The following RTN1 variants were observed in gnomAD, a reference collection of about 807,000 sequenced individuals.
RTN1 encodes the protein reticulon 1.
A neutral mutation model predicts 65.5 loss-of-function variants in RTN1; 25 were observed. The ratio of observed to expected loss-of-function variants is 0.38; its 90% CI spans 0.28 to 0.53. The LOEUF (loss-of-function observed/expected upper bound fraction) is 0.53, where lower values mean the gene tolerates loss of function less well. Ranked by LOEUF, RTN1 falls within the 20% of genes least tolerant of loss-of-function variation. RTN1 has a pLI of 0.79. For missense variants in RTN1, 983 were observed against 1,025.4 expected, an observed-to-expected ratio of 0.96 and a Z score of 0.57; for synonymous variants, 471 against 447.6, an observed-to-expected ratio of 1.05 and a Z score of -0.66.
rs180778294 is a variant in RTN1, at chr14:59,718,222, C to T, written c.1765+8697G>A. Among the ~76,000 whole-genome samples, 61 of 152,290 alleles carry T rather than the reference C, an allele frequency of 4.0e-4. 1 individual carries two copies. Among genetic ancestry groups the T allele is most frequent in the South Asian group, 8.3e-4 (4 of 4,820 alleles). ...AAATCCAGGAGTGCCATTACAGAGACGGGGCGGACTCAGGAATCTCTGAGT... is the reference window on the plus strand; with the variant it reads ...AAATCCAGGAGTGCCATTACAGAGATGGGGCGGACTCAGGAATCTCTGAGT... On this transcript the variant is annotated intron_variant, in intron 3 of 8. Coordinates refer to ENST00000267484, the MANE Select transcript of RTN1 (RefSeq NM_021136.3).
chr14:59,835,492 A>G (rs1210801212), intron 1 of RTN1, among the ~76,000 whole-genome samples: 1 of 152,210 alleles, frequency 6.6e-6, no homozygotes, highest in Non-Finnish European at 1.5e-5. Flanking sequence ...TTTAAAAGAC[A>G]ATAATAATTT....
intron 1 of RTN1, among the ~76,000 whole-genome samples, chr14:59,755,007 G>C (rs1339130314): frequency 1.3e-5 from 2 of 152,166 alleles, no homozygotes; most frequent in East Asian, 3.9e-4. Context: ...ACTACAGGCA[G>C]AAAAGGAATG....
chr14:59,645,401 CATGTTTTCTAT>C lies in RTN1; in HGVS notation c.1766-37920_1766-37910del, dbSNP rs1336048914. Among the ~76,000 whole-genome samples the C allele has an allele frequency of 3.6e-3, 541 of 151,906 alleles. 3 individuals carry two copies. The highest frequency in any genetic ancestry group is 5.5e-3 in the Non-Finnish European group (373 of 67,980). ...TTTGTTACATGTTTTCTATATATTA[CATGTTTTCTAT>C]ATGTTACATGTTTTCTACATGTTAC... On this transcript the variant is annotated intron_variant, in intron 3 of 8. Coordinates refer to ENST00000267484, the MANE Select transcript of RTN1 (RefSeq NM_021136.3).
At position 59,727,608 on chromosome 14, in the gene RTN1, G is replaced by T; in HGVS notation, c.1076C>A (p.Ala359Asp). 6.2e-7 allele frequency: 1 copy of T among 1,612,646 alleles called. No individual in the cohort carries two copies. The highest frequency in any genetic ancestry group is 8.5e-7 in the Non-Finnish European group (1 of 1,179,682). Residue 359 changes from alanine to aspartate, a missense_variant, in exon 3 of 9, where the codon GCC becomes GAC. Ala to Asp is a moderately radical substitution (Grantham distance 126, BLOSUM62 -2). This residue lies in a region of RTN1 where 818 missense variants were observed against 801.8 expected (regional missense o/e 1.02). Transcript: ENST00000267484. The surrounding 1 kb of genome is among the most constrained non-coding windows in gnomAD (Gnocchi z 4.2). ...GSISEDELITAIKEAKGLSYE... is the reference protein window; with the variant it reads ...GSISEDELITDIKEAKGLSYE... Reference sequence around the variant, plus strand: ...CGATAATCCCTTTGCTTCTTTGATGGCGGTGATCAGCTCATCCTCGGAGAT... The same window carrying T: ...CGATAATCCCTTTGCTTCTTTGATGTCGGTGATCAGCTCATCCTCGGAGAT...
intron 3 of RTN1, among the ~76,000 whole-genome samples, chr14:59,722,207 A>G (rs1884662360): frequency 6.6e-6 from 1 of 152,198 alleles, no homozygotes; most frequent in Non-Finnish European, 1.5e-5. Context: ...AAGGGAACAG[A>G]GGAAGGAAAA....
At chr14:59,649,665 G>A (rs1217533831) in intron 3 of RTN1, among the ~76,000 whole-genome samples, 1 of 152,142 alleles carries the variant, frequency 6.6e-6, no homozygotes, top group Non-Finnish European at 1.5e-5. Flanking sequence ...ATCATCACTG[G>A]TCATTATAGA....
At chr14:59,714,108 G>A (rs943493859) in intron 3 of RTN1, among the ~76,000 whole-genome samples, 48 of 152,086 alleles carry the variant, frequency 3.2e-4, no homozygotes, top group East Asian at 1.4e-3. Context: ...GGTGGCAGGC[G>A]CCTGTAATCC....
intron 3 of RTN1, among the ~76,000 whole-genome samples, chr14:59,726,520 C>T (rs1436854057): frequency 6.6e-6 from 1 of 152,158 alleles, no homozygotes; most frequent in Admixed American, 6.5e-5. Flanking sequence ...TGGGTTCCAG[C>T]ACCTACAGAG....
At chr14:59,731,768 C>T (rs1006928873) in intron 2 of RTN1, among the ~76,000 whole-genome samples, 4 of 152,164 alleles carry the variant, frequency 2.6e-5, no homozygotes, top group African/African-American at 4.8e-5. Flanking sequence ...GTGTCTGCAA[C>T]CCTACTTTCT....
At chr14:59,673,960 T>G (rs1005815388) in intron 3 of RTN1, among the ~76,000 whole-genome samples, 9 of 152,186 alleles carry the variant, frequency 5.9e-5, no homozygotes, top group African/African-American at 2.2e-4. Context: ...ATATCCCTAG[T>G]TTTACTTGTA....
chr14:59,731,374 G>C (rs1359168402), intron 2 of RTN1, among the ~76,000 whole-genome samples: 1 of 152,008 alleles, frequency 6.6e-6, no homozygotes, highest in Non-Finnish European at 1.5e-5. Flanking sequence ...GGGGGTGCAG[G>C]GTTTCTTTTT....
rs114420937 is a variant in RTN1 at position 59,782,361 on chromosome 14, G to C, written c.242-35880C>G. 2.0e-3 allele frequency among the ~76,000 whole-genome samples: 312 copies of C among 152,320 alleles called. 1 individual carries two copies. Among genetic ancestry groups the C allele is most frequent in the African/African-American group, 7.0e-3 (293 of 41,582 alleles). On this transcript the variant is annotated intron_variant, in intron 1 of 8. Coordinates refer to ENST00000267484, the MANE Select transcript of RTN1 (RefSeq NM_021136.3). Reference sequence around the variant, plus strand: ...CAACACTATCTAACAAAATCTGTTGGAGAAGGAGAAAATAGATTCACTTTT... The same window carrying C: ...CAACACTATCTAACAAAATCTGTTGCAGAAGGAGAAAATAGATTCACTTTT...
At chr14:59,621,200 A>G (rs1235109963) in intron 3 of RTN1, among the ~76,000 whole-genome samples, 1 of 152,266 alleles carries the variant, frequency 6.6e-6, no homozygotes, top group Non-Finnish European at 1.5e-5. Flanking sequence ...GAAAAATATA[A>G]GTAACCCTGT....
At chr14:59,770,617 T>C (rs1417403209) in intron 1 of RTN1, among the ~76,000 whole-genome samples, 2 of 152,178 alleles carry the variant, frequency 1.3e-5, no homozygotes, top group Non-Finnish European at 2.9e-5. Context: ...TATTTTTGCA[T>C]TGTTTATTTT....
intron 1 of RTN1, among the ~76,000 whole-genome samples, chr14:59,762,305 T>A (rs1885765627): frequency 6.6e-6 from 1 of 152,194 alleles, no homozygotes; most frequent in Admixed American, 6.5e-5. Context: ...GTTTCCTCAC[T>A]TGCAAAAGGA....
rs73302050 is a variant in RTN1 at position 59,794,871 on chromosome 14, T to C, written c.242-48390A>G. 2.8e-3 allele frequency among the ~76,000 whole-genome samples: 430 copies of C among 152,302 alleles called. 3 individuals carry two copies. The highest frequency in any genetic ancestry group is 0.01 in the African/African-American group (420 of 41,566). On this transcript the variant is annotated intron_variant, in intron 1 of 8. Transcript: ENST00000267484. This position sits in a 1 kb window ranked among gnomAD's most constrained non-coding sequence, Gnocchi z 5.1. Reference sequence around the variant, plus strand: ...CTGAGATATGTCATTTTTATCTAGGTATCCAAATGTCTAGCAAAAAAGTTT... The same window carrying C: ...CTGAGATATGTCATTTTTATCTAGGCATCCAAATGTCTAGCAAAAAAGTTT...
At chr14:59,840,351 G>T (rs756616240) in intron 1 of RTN1, among the ~76,000 whole-genome samples, 5 of 152,090 alleles carry the variant, frequency 3.3e-5, no homozygotes, top group Non-Finnish European at 5.9e-5. Context: ...TAAATGGAAA[G>T]CCACCCTGTC....
chr14:59,870,657 G>C lies in RTN1; in HGVS notation c.-27C>G. ...GCTGGCGGTCCCCCGGCGCGGCGAC[G>C]GCGGCTTGGCTGGGCAGAGGCTCGG... On this transcript the variant is annotated 5_prime_UTR_variant, in exon 1 of 9. Transcript: ENST00000267484. The surrounding 1 kb of genome is among the most constrained non-coding windows in gnomAD (Gnocchi z 5.1). 1 of 1,353,914 alleles carries C rather than the reference G, an allele frequency of 7.4e-7. No individual in the cohort carries two copies. Among genetic ancestry groups the C allele is most frequent in the Non-Finnish European group, 9.4e-7 (1 of 1,060,858 alleles). 83.9% of individuals were successfully genotyped at this position (1,353,914 alleles called of 1,614,324 possible).
intron 3 of RTN1, among the ~76,000 whole-genome samples, chr14:59,725,397 C>T (rs1045319623): frequency 2.0e-5 from 3 of 152,244 alleles, no homozygotes; most frequent in Non-Finnish European, 4.4e-5. Flanking sequence ...CTCAGCATGA[C>T]TCAAGCTTGA....
Sources: allele counts gnomAD v4.1 joint callset (sites outside exome capture counted in the v4.1 genomes callset), GRCh38; gene constraint gnomAD v4.1.1; regional missense constraint gnomAD v4.1.1; non-coding constraint Gnocchi (gnomAD v3.1); transcripts MANE v1.5; gene names NCBI Gene and HGNC (gene_info 2026-07-23, HGNC 2026-07-21).